Variants in SUPT3H observed in about 807,000 individuals in gnomAD.
SUPT3H encodes SPT3 homolog, SAGA and STAGA complex component.
SUPT3H carries 44 observed loss-of-function variants against 44.3 expected under a neutral mutation model. The ratio of observed to expected loss-of-function variants is 0.99; its 90% confidence interval spans 0.78 to 1.28. The LOEUF (loss-of-function observed/expected upper bound fraction) is 1.28. Among genes scored for constraint, SUPT3H ranks in the 50% most tolerant of loss-of-function variants. SUPT3H has a pLI of 0.00. For missense variants in SUPT3H, 380 were observed against 387.1 expected, an observed-to-expected ratio of 0.98 and a Z score of 0.15; for synonymous variants, 124 against 125.6, an observed-to-expected ratio of 0.99 and a Z score of 0.09.
intron 2 of SUPT3H, among the ~76,000 whole-genome samples, chr6:45,254,900 T>C (rs898491074): frequency 6.1e-5 from 9 of 147,412 alleles, no homozygotes; most frequent in African/African-American, 2.2e-4. Context: ...CATTCCCCTC[T>C]GGAATGAATT....
chr6:44,893,493 T>A (rs1177223244), intron 10 of SUPT3H, among the ~76,000 whole-genome samples: 1 of 152,126 alleles, frequency 6.6e-6, no homozygotes, highest in Non-Finnish European at 1.5e-5. Flanking sequence ...GTTCTTGCAA[T>A]AGTTTACTGA....
chr6:45,366,497 G>A (rs1001220755), intron 1 of SUPT3H, among the ~76,000 whole-genome samples: 3 of 152,116 alleles, frequency 2.0e-5, no homozygotes, highest in Non-Finnish European at 4.4e-5. Context: ...GTAATAAGCA[G>A]ACCTTAAGAA....
intron 2 of SUPT3H, among the ~76,000 whole-genome samples, chr6:45,231,385 G>A (rs1360769437): frequency 2.0e-5 from 3 of 152,242 alleles, no homozygotes; most frequent in South Asian, 2.1e-4. Flanking sequence ...TGGCTGGCAG[G>A]GTTTTTGTCT....
chr6:45,271,765 T>C (rs1776209079), intron 2 of SUPT3H, among the ~76,000 whole-genome samples: 1 of 152,088 alleles, frequency 6.6e-6, no homozygotes, highest in South Asian at 2.1e-4. Context: ...ACACCTTGCA[T>C]TGTCCATCTG....
At chr6:44,949,611 CAAA>C (rs34872121) in intron 9 of SUPT3H, among the ~76,000 whole-genome samples, 1 of 140,220 alleles carries the variant, frequency 7.1e-6, no homozygotes, top group Non-Finnish European at 1.5e-5. Context: ...CCTTTGCCTG[CAAA>C]AAAAAAAAAA....
chr6:44,926,814 C>G (rs1769585267), intron 10 of SUPT3H, among the ~76,000 whole-genome samples: 1 of 152,026 alleles, frequency 6.6e-6, no homozygotes, highest in African/African-American at 2.4e-5. Flanking sequence ...ATATTAGCTG[C>G]TATAGTTGCT....
At chr6:44,851,901 A>G (rs1463946748) in intron 10 of SUPT3H, among the ~76,000 whole-genome samples, 1 of 152,144 alleles carries the variant, frequency 6.6e-6, no homozygotes, top group Non-Finnish European at 1.5e-5. Context: ...GACTTACATC[A>G]TTTTGACTTG....
intron 2 of SUPT3H, among the ~76,000 whole-genome samples, chr6:45,162,773 T>C (rs923252113): frequency 5.3e-5 from 8 of 152,114 alleles, no homozygotes; most frequent in Non-Finnish European, 1.2e-4. Flanking sequence ...TTGTTCATAG[T>C]GATAGATAAT....
chr6:45,178,904 A>T (rs9349314), intron 2 of SUPT3H, among the ~76,000 whole-genome samples: 1 of 150,142 alleles, frequency 6.7e-6, no homozygotes, highest in African/African-American at 2.4e-5. Flanking sequence ...TCTCTGGGAC[A>T]CATTCAAAGC....
intron 10 of SUPT3H, among the ~76,000 whole-genome samples, chr6:44,896,188 T>C (rs1382015787): frequency 1.3e-5 from 2 of 152,122 alleles, no homozygotes; most frequent in East Asian, 1.9e-4. Flanking sequence ...TATGTGCAAA[T>C]AATGTGGTTT....
At chr6:44,892,047 T>C (rs984761124) in intron 10 of SUPT3H, among the ~76,000 whole-genome samples, 15 of 152,290 alleles carry the variant, frequency 9.8e-5, no homozygotes, top group Admixed American at 7.2e-4. Context: ...TAGTATTTTC[T>C]TCCTTTTTAA....
chr6:45,028,874 T>G (rs1238640635), intron 3 of SUPT3H, among the ~76,000 whole-genome samples: 4 of 143,474 alleles, frequency 2.8e-5, no homozygotes, highest in African/African-American at 1.0e-4. Flanking sequence ...AACATTTTCT[T>G]TCTTGGTGAA....
intron 2 of SUPT3H, among the ~76,000 whole-genome samples, chr6:45,225,764 T>C (rs1766832694): frequency 1.3e-5 from 2 of 152,148 alleles, no homozygotes; most frequent in South Asian, 4.1e-4. Flanking sequence ...TTCTGTCTCA[T>C]CACATTATTA....
intron 10 of SUPT3H, among the ~76,000 whole-genome samples, chr6:44,856,329 A>AT (rs1009344073): frequency 6.6e-6 from 1 of 152,222 alleles, no homozygotes; most frequent in African/African-American, 2.4e-5. Context: ...CACACTAATT[A>AT]TAGTGCTTCT....
At chr6:45,097,692 T>C (rs1385603576) in intron 3 of SUPT3H, 1 of 152,172 alleles carries the variant, frequency 6.6e-6, no homozygotes, top group Non-Finnish European at 1.5e-5. Context: ...ACTGCTGTCC[T>C]TCTACAAAAC....
downstream of SUPT3H, among the ~76,000 whole-genome samples, chr6:44,826,447 T>C (rs1254083723): frequency 6.6e-6 from 1 of 152,222 alleles, no homozygotes; most frequent in African/African-American, 2.4e-5. Flanking sequence ...CCTTAGATTA[T>C]TTGCAGAGTG....
intron 2 of SUPT3H, among the ~76,000 whole-genome samples, chr6:45,108,824 G>A (rs749507034): frequency 2.2e-4 from 33 of 151,982 alleles, no homozygotes; most frequent in Non-Finnish European, 5.9e-5. Flanking sequence ...TAAGATTATA[G>A]TCAGAACAAT....
At chr6:45,179,005 G>A (rs537455863) in intron 2 of SUPT3H, among the ~76,000 whole-genome samples, 43 of 152,158 alleles carry the variant, frequency 2.8e-4, no homozygotes, top group African/African-American at 9.6e-4. Flanking sequence ...AATTAAAAGA[G>A]AGAAGAATCA....
At chr6:44,917,607 G>A (rs985507926) in intron 10 of SUPT3H, among the ~76,000 whole-genome samples, 2 of 152,162 alleles carry the variant, frequency 1.3e-5, no homozygotes, top group African/African-American at 4.8e-5. Flanking sequence ...CCTTGGTAGA[G>A]CACAGGGAGC....
Sources: gnomAD v4.1 joint callset for allele counts (sites outside exome capture counted in the v4.1 genomes callset) on GRCh38, gnomAD v4.1.1 for gene constraint, MANE v1.5 for transcripts, NCBI Gene and HGNC (gene_info 2026-07-23, HGNC 2026-07-21) for gene names.